Variants in ABLIM1 observed in about 807,000 individuals in gnomAD.
ABLIM1 encodes the protein actin-binding LIM protein 1.
Under a neutral mutation model 107.0 loss-of-function variants are expected in ABLIM1, and 40 were observed. The observed-to-expected ratio is 0.37, with a 90% CI of 0.29 to 0.49. The LOEUF (loss-of-function observed/expected upper bound fraction) is 0.49, where lower values mean the gene tolerates loss of function less well. ABLIM1 is among the 20% of genes least tolerant of loss of function. ABLIM1 has a pLI of 0.97. For missense variants in ABLIM1, 857 were observed against 1,008.5 expected (o/e 0.85, Z 2.04); for synonymous variants, 357 against 357.3 (o/e 1.00, Z 0.01).
chr10:114,720,402 T>A (rs1405173262), intron 1 of ABLIM1, among the ~76,000 whole-genome samples: 2 of 152,186 alleles, frequency 1.3e-5, no homozygotes, highest in Non-Finnish European at 2.9e-5. Context: ...AATGGGATTG[T>A]TGAGTCAAAT....
At chr10:114,798,564 C>G in the ABLIM1 span, among the ~76,000 whole-genome samples, 11 of 149,198 alleles carry the variant, frequency 7.4e-5, no homozygotes, top group South Asian at 2.2e-4. Context: ...AGACCCCCCC[C>G]CCATGTCTAC....
intron 10 of ABLIM1, 152 bp downstream of exon 10, chr10:114,472,825 G>A: frequency 1.6e-6 from 1 of 645,010 alleles, no homozygotes; most frequent in African/African-American, 1.9e-5. Flanking sequence ...ATGGGCTTCT[G>A]AATACCTCAA....
chr10:114,781,173 G>A, the ABLIM1 span, among the ~76,000 whole-genome samples: 1 of 152,060 alleles, frequency 6.6e-6, no homozygotes, highest in African/African-American at 2.4e-5. Flanking sequence ...TCTTAGTATT[G>A]TAAAGTGATG....
intron 8 of ABLIM1, among the ~76,000 whole-genome samples, chr10:114,481,786 G>GA (rs1308701078): frequency 6.6e-6 from 1 of 152,192 alleles, no homozygotes; most frequent in Non-Finnish European, 1.5e-5. Flanking sequence ...TCAAAAGGAT[G>GA]AAATACTTGG....
chr10:114,706,153 A>C (rs1360255925), intron 1 of ABLIM1, among the ~76,000 whole-genome samples: 3 of 152,364 alleles, frequency 2.0e-5, no homozygotes, highest in East Asian at 3.9e-4. Context: ...TGTGTAAAAA[A>C]CAGTAAGATA....
At chr10:114,799,567 T>C in the ABLIM1 span, among the ~76,000 whole-genome samples, 8 of 152,324 alleles carry the variant, frequency 5.3e-5, no homozygotes, top group Non-Finnish European at 8.8e-5. Flanking sequence ...ATCCTTTGCC[T>C]TGCTCTTTCC....
At chr10:114,797,495 T>C in the ABLIM1 span, among the ~76,000 whole-genome samples, 1 of 152,062 alleles carries the variant, frequency 6.6e-6, no homozygotes, top group South Asian at 2.1e-4. Flanking sequence ...ACACTTAGTG[T>C]CTCTCTCATT....
chr10:114,478,667 A>G (rs537847837), intron 8 of ABLIM1, among the ~76,000 whole-genome samples: 6 of 152,332 alleles, frequency 3.9e-5, no homozygotes, highest in African/African-American at 1.4e-4. Context: ...CCAGCCATGC[A>G]GAACTGTGGG....
At chr10:114,794,367 T>C in the ABLIM1 span, among the ~76,000 whole-genome samples, 1 of 152,230 alleles carries the variant, frequency 6.6e-6, no homozygotes, top group Non-Finnish European at 1.5e-5. Context: ...GTCTTATTTA[T>C]TCCCATATGC....
intron 4 of ABLIM1, among the ~76,000 whole-genome samples, chr10:114,556,423 G>A (rs2483539): frequency 0.37 from 56,631 of 152,040 alleles, 13,887 homozygotes; most frequent in African/African-American, 0.7. Context: ...AGTTCCAGTC[G>A]GCAAGGGTTT....
chr10:114,440,120 A>C, intron 19 of ABLIM1, 31 bp from the exon 20 acceptor site: 1 of 1,593,434 alleles, frequency 6.3e-7, no homozygotes, highest in Non-Finnish European at 8.6e-7. Flanking sequence ...AAATATCATA[A>C]GGGAAAGACC....
chr10:114,658,967 A>G (rs924928748), upstream of ABLIM1, among the ~76,000 whole-genome samples: 3 of 152,208 alleles, frequency 2.0e-5, no homozygotes, highest in African/African-American at 4.8e-5. Context: ...TATTGATATA[A>G]AAAGGACAAC....
In ABLIM1 at chr10:114,681,481, C is replaced by T. The variant is rs186313979; in HGVS notation, c.64+2809G>A. Among the ~76,000 whole-genome samples the T allele has an allele frequency of 2.5e-4, 38 of 152,306 alleles. No individual in the cohort carries two copies. The South Asian group carries it at 3.9e-3, about 16-fold the overall frequency. On this transcript the variant is annotated intron_variant, in intron 1 of 23. Coordinates refer to the ABLIM1 transcript ENST00000369256. ...AAGTGCTGGGATTATAGGCATGAGC[C>T]ATCACGCCTGGCCTAAACCATTTAA...
At chr10:114,458,596 GT>G (rs1376247962) in intron 12 of ABLIM1, among the ~76,000 whole-genome samples, 3 of 152,286 alleles carry the variant, frequency 2.0e-5, no homozygotes, top group Admixed American at 1.3e-4. Context: ...TTTTGTGACA[GT>G]TTTAAGATTG....
intron 2 of ABLIM1, 179 bp downstream of exon 2, chr10:114,601,648 G>T: frequency 1.0e-6 from 1 of 992,348 alleles, no homozygotes; most frequent in African/African-American, 1.6e-5. Context: ...GGTTTTAGCA[G>T]GACTCGTTCT....
intron 4 of ABLIM1, among the ~76,000 whole-genome samples, chr10:114,557,671 G>GTTTTTTT (rs61108195): frequency 2.8e-5 from 2 of 72,478 alleles, no homozygotes; most frequent in Non-Finnish European, 4.9e-5. Context: ...ATAGTGAGGT[G>GTTTTTTT]TTTTTTTTTT....
chr10:114,609,212 C>T (rs768142261), intron 1 of ABLIM1, among the ~76,000 whole-genome samples: 5 of 152,190 alleles, frequency 3.3e-5, no homozygotes, highest in Non-Finnish European at 7.3e-5. Context: ...CACTAAAATA[C>T]TCTACTATTT....
At chr10:114,781,487 G>A in the ABLIM1 span, among the ~76,000 whole-genome samples, 1 of 151,698 alleles carries the variant, frequency 6.6e-6, no homozygotes, top group East Asian at 1.9e-4. Flanking sequence ...CTGGGTGATG[G>A]AGTGAGACCC....
At chr10:114,675,331 G>A (rs910351869) in intron 1 of ABLIM1, among the ~76,000 whole-genome samples, 1 of 152,208 alleles carries the variant, frequency 6.6e-6, no homozygotes, top group Admixed American at 6.5e-5. Flanking sequence ...GACCCAGTGG[G>A]AGGTAACTGA....
Sources: gnomAD v4.1 joint callset for allele counts (sites outside exome capture counted in the v4.1 genomes callset) on GRCh38, gnomAD v4.1.1 for gene constraint, MANE v1.5 for transcripts, NCBI Gene and HGNC (gene_info 2026-07-23, HGNC 2026-07-21) for gene names.